The following PDS5A variants were observed in gnomAD, a reference collection of about 807,000 sequenced individuals.
PDS5A encodes the protein PDS5 cohesin associated factor A.
Under a neutral mutation model 167.1 loss-of-function variants are expected in PDS5A, and 42 were observed. The ratio of observed to expected loss-of-function variants is 0.25; its 90% CI spans 0.20 to 0.33. PDS5A has a LOEUF of 0.33. Among genes scored for constraint, PDS5A ranks in the 10% least tolerant of loss-of-function variants. The probability of loss-of-function intolerance (pLI) is 1.00; values close to 1 mark genes in which losing one functional copy is unlikely to be tolerated. For missense variants in PDS5A, 1,033 were observed against 1,605.9 expected (o/e 0.64, Z 6.10); for synonymous variants, 553 against 554.6 (o/e 1.00, Z 0.04).
At chr4:39,850,271 CAAA>C (rs1553889621) in intron 26 of PDS5A, among the ~76,000 whole-genome samples, 3 of 94,786 alleles carry the variant, frequency 3.2e-5, no homozygotes, top group Admixed American at 2.3e-4. Flanking sequence ...GACTCTCTCT[CAAA>C]AAAAAAAAAA....
At chr4:39,935,392 C>A (rs1726500750) in intron 2 of PDS5A, among the ~76,000 whole-genome samples, 1 of 152,210 alleles carries the variant, frequency 6.6e-6, no homozygotes, top group Admixed American at 6.5e-5. Context: ...GCCACCGCGT[C>A]TGGCCTTCCG....
intron 2 of PDS5A, among the ~76,000 whole-genome samples, chr4:39,968,771 T>G (rs1353370551): frequency 6.6e-6 from 1 of 150,712 alleles, no homozygotes; most frequent in Non-Finnish European, 1.5e-5. Flanking sequence ...GCTCAGTGTA[T>G]GCTTTTACTT....
At chr4:39,839,229 G>C (rs1358093388) in intron 31 of PDS5A, among the ~76,000 whole-genome samples, 2 of 151,906 alleles carry the variant, frequency 1.3e-5, no homozygotes, top group Non-Finnish European at 2.9e-5. Flanking sequence ...GACATGCTGT[G>C]TTTCAAACAC....
At chr4:39,889,493 T>A (rs761716438) in intron 17 of PDS5A, among the ~76,000 whole-genome samples, 1 of 152,188 alleles carries the variant, frequency 6.6e-6, no homozygotes, top group South Asian at 2.1e-4. Context: ...ATCTCTGAAT[T>A]CTAGGCTGTT....
intron 23 of PDS5A, among the ~76,000 whole-genome samples, chr4:39,864,624 A>C (rs1719272299): frequency 6.6e-6 from 1 of 152,192 alleles, no homozygotes; most frequent in Admixed American, 6.5e-5. Flanking sequence ...AGAGAAGAAA[A>C]CCTGGCACTC....
At chr4:39,843,396 T>C (rs180902286) in intron 30 of PDS5A, among the ~76,000 whole-genome samples, 84 of 152,270 alleles carry the variant, frequency 5.5e-4, no homozygotes, top group African/African-American at 1.9e-3. Flanking sequence ...AAAGTTAATG[T>C]TTTCATAGTT....
chr4:39,911,631 G>A (rs983565318), intron 9 of PDS5A, among the ~76,000 whole-genome samples: 3 of 151,942 alleles, frequency 2.0e-5, no homozygotes, highest in Non-Finnish European at 4.4e-5. Context: ...GGGAGATCAA[G>A]ACCATCCTGG....
At chr4:39,864,137 C>CA (rs996976144) in intron 23 of PDS5A, among the ~76,000 whole-genome samples, 4 of 147,980 alleles carry the variant, frequency 2.7e-5, no homozygotes, top group South Asian at 2.2e-4. Flanking sequence ...TCAAAAAAAA[C>CA]AAAAAACAAA....
chr4:39,929,519 C>CTCTATATATATATATATATATATA (rs1346928018), intron 2 of PDS5A, among the ~76,000 whole-genome samples: 4 of 79,406 alleles, frequency 5.0e-5, no homozygotes, highest in African/African-American at 8.7e-5. Context: ...ACTTAATAAA[C>CTCTATATATATATATATATATATA]TATATATATA....
chr4:39,954,177 C>T (rs1276142797), intron 2 of PDS5A, among the ~76,000 whole-genome samples: 18 of 137,874 alleles, frequency 1.3e-4, no homozygotes, highest in South Asian at 2.5e-4. Flanking sequence ...TCTATCTCTA[C>T]GGAGAAAAAA....
In PDS5A at chr4:39,908,531, T is replaced by C; in HGVS notation, c.1097A>G (p.Lys366Arg). The stretch of plus-strand genomic sequence containing the variant: ...TTCTTCTGGATCATGTGATCTAACC[T>C]TTAAATATTCTGTAATAAGAGAAAA... ...DLAKDLTEYL[K>R]VRSHDPEEAI... Residue 366 changes from lysine to arginine, a missense_variant, in exon 11 of 33, where the codon AAG becomes AGG. This residue lies in a region of PDS5A where 388 missense variants were observed against 615.1 expected (regional missense o/e 0.63). Coordinates refer to ENST00000303538, the MANE Select transcript of PDS5A (RefSeq NM_001100399.2). 6.4e-7 allele frequency: 1 copy of C among 1,571,078 alleles called. No individual in the cohort carries two copies. Among genetic ancestry groups the C allele is most frequent in the Non-Finnish European group, 8.7e-7 (1 of 1,147,788 alleles).
At chr4:39,910,030 G>A (rs1168862843) in intron 10 of PDS5A, 1 of 396,992 alleles carries the variant, frequency 2.5e-6, no homozygotes, top group Non-Finnish European at 4.5e-6. Context: ...AGGAGTGAAA[G>A]CCTTTCTCTT....
Position 39,922,607 on chromosome 4 carries a change from T to C in PDS5A, c.654+15A>G, listed in dbSNP as rs1725087787. 6.5e-7 allele frequency: 1 copy of C among 1,538,700 alleles called. No individual in the cohort carries two copies. Among genetic ancestry groups the C allele is most frequent in the Non-Finnish European group, 8.7e-7 (1 of 1,143,280 alleles). On this transcript the variant is annotated intron_variant, in intron 6 of 32. Coordinates refer to ENST00000303538, the MANE Select transcript of PDS5A (RefSeq NM_001100399.2). Reference sequence around the variant, plus strand: ...TGTTAAACATTAACCTTGAATATCTTCATACTTTACAGACCTTATGTGCAG... The same window carrying C: ...TGTTAAACATTAACCTTGAATATCTCCATACTTTACAGACCTTATGTGCAG...
Position 39,877,009 on chromosome 4 carries a change from G to A in PDS5A, c.2137C>T (p.Leu713Phe). The part of the protein sequence containing the change: ...RNTGHKIETD[L>F]PQIRSTLIPI... Reference sequence around the variant, plus strand: ...TGTACTCACGATCGTATCTGGGGAAGGTCTGTTTCTATTTTGTGACCTGTA... The same window carrying A: ...TGTACTCACGATCGTATCTGGGGAAAGTCTGTTTCTATTTTGTGACCTGTA... Residue 713 changes from leucine to phenylalanine, a missense_variant, in exon 19 of 33, where the codon CTT becomes TTT. Physicochemically the swap from Leu to Phe is conservative, Grantham distance 22. Coordinates refer to ENST00000303538, the MANE Select transcript of PDS5A (RefSeq NM_001100399.2). 1 of 1,610,526 alleles carries A rather than the reference G, an allele frequency of 6.2e-7. No homozygotes were observed. Among genetic ancestry groups the A allele is most frequent in the Non-Finnish European group, 8.5e-7 (1 of 1,178,048 alleles).
At chr4:39,976,392 G>A (rs775037764) in intron 2 of PDS5A, 48 bp downstream of exon 2, 4 of 1,563,908 alleles carry the variant, frequency 2.6e-6, no homozygotes, top group African/African-American at 2.7e-5. Flanking sequence ...AGTATCACAG[G>A]AGAAAGCGCC....
rs886949477 is a variant in PDS5A, at chr4:39,874,388, T to C, written c.2178A>G (p.Gln726=). The C allele has an allele frequency of 2.5e-6, 4 of 1,613,140 alleles. No individual in the cohort carries two copies. The highest frequency in any genetic ancestry group is 1.3e-5 in the African/African-American group (1 of 75,044). ...IRSTLIPILH[Q]KAKRGTPHQA... is the part of the protein sequence containing the mutation. Reference sequence around the variant, plus strand: ...GGTGTGGAGTACCCCTCTTTGCTTTTTGATGTAAAATGGGAATTAAGGTCC... The same window carrying C: ...GGTGTGGAGTACCCCTCTTTGCTTTCTGATGTAAAATGGGAATTAAGGTCC... Residue 726 remains glutamine (Q), a synonymous_variant, in exon 20 of 33, where the codon CAA becomes CAG. Coordinates refer to ENST00000303538, the MANE Select transcript of PDS5A (RefSeq NM_001100399.2).
At chr4:39,827,383 C>A (rs1011833282) in intron 32 of PDS5A, among the ~76,000 whole-genome samples, 3 of 152,150 alleles carry the variant, frequency 2.0e-5, no homozygotes, top group Admixed American at 2.0e-4. Flanking sequence ...GGGCTGCTCT[C>A]ACAGACTTCT....
At chr4:39,863,535 A>G (rs189372559) in intron 23 of PDS5A, 76 bp from the exon 24 acceptor site, 1 of 1,030,400 alleles carries the variant, frequency 9.7e-7, no homozygotes, top group East Asian at 2.5e-5. Flanking sequence ...TCCCTTTTTG[A>G]ATGTAAGGTC....
At chr4:39,962,956 C>T (rs569551172) in intron 2 of PDS5A, among the ~76,000 whole-genome samples, 9 of 151,220 alleles carry the variant, frequency 6.0e-5, no homozygotes, top group South Asian at 2.1e-4. Flanking sequence ...AGCAAAACTC[C>T]ACCTCAAAAA....
Sources: allele counts gnomAD v4.1 joint callset (sites outside exome capture counted in the v4.1 genomes callset), GRCh38; gene constraint gnomAD v4.1.1; regional missense constraint gnomAD v4.1.1; transcripts MANE v1.5; gene names NCBI Gene and HGNC (gene_info 2026-07-23, HGNC 2026-07-21).